The following LRP1B variants were observed in gnomAD, a reference collection of about 807,000 sequenced individuals.
LRP1B encodes the protein LDL receptor related protein 1B, also known as low-density lipoprotein receptor-related protein 1B.
Under a neutral mutation model 556.6 loss-of-function variants are expected in LRP1B, and 217 were observed. The ratio of observed to expected loss-of-function variants is 0.39; its 90% CI spans 0.35 to 0.44. The LOEUF (loss-of-function observed/expected upper bound fraction) is 0.44. Ranked by LOEUF, LRP1B falls within the 20% of genes least tolerant of loss-of-function variation. The probability of loss-of-function intolerance (pLI) is 1.00; values close to 1 mark genes in which losing one functional copy is unlikely to be tolerated. For synonymous variants in LRP1B, 2,047 were observed against 1,865.8 expected, an observed-to-expected ratio of 1.10 and a Z score of -2.50; for missense variants, 5,053 against 5,620.8, an observed-to-expected ratio of 0.90 and a Z score of 3.23.
chr2:140,871,151 T>G (rs374213385), intron 25 of LRP1B, among the ~76,000 whole-genome samples: 1 of 152,228 alleles, frequency 6.6e-6, no homozygotes, highest in East Asian at 1.9e-4. Flanking sequence ...AAAACAAACT[T>G]GGATCAAAGT....
At chr2:141,209,072 A>G (rs1682427090) in intron 6 of LRP1B, among the ~76,000 whole-genome samples, 1 of 152,106 alleles carries the variant, frequency 6.6e-6, no homozygotes, top group African/African-American at 2.4e-5. Flanking sequence ...ACACAGAAAC[A>G]CAGTCACAGA....
chr2:140,533,368 A>G (rs12622824), intron 47 of LRP1B, among the ~76,000 whole-genome samples: 65,596 of 151,930 alleles, frequency 0.43, 15,076 homozygotes, highest in East Asian at 0.58. Flanking sequence ...TAAGTGTGAT[A>G]TCCAAATTTA....
At chr2:141,795,891 T>TATATAC (rs1479676823) in intron 2 of LRP1B, among the ~76,000 whole-genome samples, 2 of 78,914 alleles carry the variant, frequency 2.5e-5, no homozygotes, top group Non-Finnish European at 5.4e-5. Flanking sequence ...TATATATATA[T>TATATAC]ATATATATAA....
At chr2:140,347,234 T>C (rs1042112499) in intron 77 of LRP1B, among the ~76,000 whole-genome samples, 3 of 151,844 alleles carry the variant, frequency 2.0e-5, no homozygotes, top group African/African-American at 7.2e-5. Flanking sequence ...AGAAGTCTCA[T>C]TTTGCCTTAT....
chr2:140,263,801 G>A (rs1682059956), intron 86 of LRP1B, among the ~76,000 whole-genome samples: 1 of 79,110 alleles, frequency 1.3e-5, no homozygotes, highest in Admixed American at 2.1e-4. Flanking sequence ...CAAAGTAATT[G>A]AGGCCTTTTT....
intron 1 of LRP1B, among the ~76,000 whole-genome samples, chr2:142,007,927 A>C (rs1702848687): frequency 6.6e-6 from 1 of 152,130 alleles, no homozygotes; most frequent in South Asian, 2.1e-4. Flanking sequence ...AATTGTTAGG[A>C]GAGTTAAACG....
intron 1 of LRP1B, among the ~76,000 whole-genome samples, chr2:142,069,598 G>T (rs1022182815): frequency 6.6e-6 from 1 of 151,566 alleles, no homozygotes; most frequent in African/African-American, 2.4e-5. Context: ...ATCTGATTTT[G>T]CAAATTCATG....
intron 3 of LRP1B, among the ~76,000 whole-genome samples, chr2:141,331,244 T>A (rs564642591): frequency 6.6e-6 from 1 of 152,198 alleles, no homozygotes; most frequent in South Asian, 2.1e-4. Context: ...TGATGGTAAC[T>A]GCTAATCTGA....
At chr2:141,926,547 A>G (rs1323416162) in intron 1 of LRP1B, among the ~76,000 whole-genome samples, 1 of 152,130 alleles carries the variant, frequency 6.6e-6, no homozygotes, top group Non-Finnish European at 1.5e-5. Flanking sequence ...CTTCCAACCT[A>G]TTAGATAGCT....
At chr2:141,152,225 C>T (rs1270228834) in intron 7 of LRP1B, among the ~76,000 whole-genome samples, 3 of 151,842 alleles carry the variant, frequency 2.0e-5, no homozygotes, top group Admixed American at 6.6e-5. Flanking sequence ...GTTTCCTCGT[C>T]TTTAGAGTAC....
In LRP1B at chr2:141,722,721, GATAGATAC is replaced by G. The variant is rs1440122213; in HGVS notation, c.205+87550_205+87557del. 1.7e-3 allele frequency among the ~76,000 whole-genome samples: 244 copies of G among 139,982 alleles called. 2 individuals are homozygous for G. The highest frequency in any genetic ancestry group is 6.2e-3 in the African/African-American group (233 of 37,366). The allele number at this position is 139,982 out of a possible 152,430, so 91.8% of individuals were successfully genotyped here. On this transcript the variant is annotated intron_variant, in intron 2 of 90. Transcript: ENST00000389484. ...TACATATAAGACAGATAGACAGGCAGATAGATACATAGATAGATAGATAGATAGATAGA... is the reference window on the plus strand; with the variant it reads ...TACATATAAGACAGATAGACAGGCAGATAGATAGATAGATAGATAGATAGA...
At chr2:142,021,037 T>C (rs1363128615) in intron 1 of LRP1B, among the ~76,000 whole-genome samples, 1 of 152,190 alleles carries the variant, frequency 6.6e-6, no homozygotes, top group Non-Finnish European at 1.5e-5. Context: ...AAAAAGTCAT[T>C]GAATGATAAT....
At chr2:140,486,623 A>G (rs1326298477) in intron 58 of LRP1B, among the ~76,000 whole-genome samples, 3 of 151,896 alleles carry the variant, frequency 2.0e-5, no homozygotes, top group African/African-American at 7.2e-5. Flanking sequence ...AAAATTTTTA[A>G]TGTATTGTAA....
chr2:141,634,842 T>C (rs1393883787), intron 2 of LRP1B, among the ~76,000 whole-genome samples: 7 of 151,994 alleles, frequency 4.6e-5, no homozygotes, highest in Non-Finnish European at 8.8e-5. Flanking sequence ...ACCATTGATT[T>C]TTCCTGTCAA....
intron 1 of LRP1B, among the ~76,000 whole-genome samples, chr2:142,108,397 G>T (rs773828649): frequency 4.4e-4 from 65 of 146,520 alleles, no homozygotes; most frequent in Admixed American, 1.7e-3. Flanking sequence ...CACTAAGAGT[G>T]TAATTTGCAA....
chr2:140,431,738 A>T (rs1013970409), intron 66 of LRP1B, among the ~76,000 whole-genome samples: 8 of 152,126 alleles, frequency 5.3e-5, no homozygotes, highest in African/African-American at 1.7e-4. Flanking sequence ...TCAAAACTGT[A>T]TCCAGGCCAT....
intron 2 of LRP1B, among the ~76,000 whole-genome samples, chr2:141,783,811 T>G (rs982696051): frequency 1.3e-5 from 2 of 151,838 alleles, no homozygotes; most frequent in African/African-American, 4.8e-5. Context: ...AACATTCAAT[T>G]ACTAATAACA....
At chr2:141,581,565 C>G (rs1317478184) in intron 2 of LRP1B, among the ~76,000 whole-genome samples, 1 of 152,100 alleles carries the variant, frequency 6.6e-6, no homozygotes, top group African/African-American at 2.4e-5. Flanking sequence ...TCTAAAATAG[C>G]TTTCCCTAAA....
At chr2:141,210,964 C>T (rs183061794) in intron 6 of LRP1B, among the ~76,000 whole-genome samples, 1 of 152,194 alleles carries the variant, frequency 6.6e-6, no homozygotes, top group Non-Finnish European at 1.5e-5. Flanking sequence ...CAGTAGAGTG[C>T]TAAGAGGTTT....
Sources: allele counts gnomAD v4.1 joint callset (sites outside exome capture counted in the v4.1 genomes callset), GRCh38; gene constraint gnomAD v4.1.1; transcripts MANE v1.5; gene names NCBI Gene and HGNC (gene_info 2026-07-23, HGNC 2026-07-21).